Variants in CLEC4E observed in about 807,000 individuals in gnomAD.
The protein encoded by CLEC4E is C-type lectin domain family 4 member E.
Under a neutral mutation model 24.7 loss-of-function variants are expected in CLEC4E, and 21 were observed. The observed-to-expected ratio is 0.85, with a 90% CI of 0.60 to 1.22. CLEC4E has a LOEUF of 1.22. CLEC4E is among the 50% of genes most tolerant of loss of function. CLEC4E has a pLI of 0.00. For missense variants in CLEC4E, 249 were observed against 254.1 expected, an observed-to-expected ratio of 0.98 and a Z score of 0.14; for synonymous variants, 94 against 85.7, an observed-to-expected ratio of 1.10 and a Z score of -0.54.
Position 8,540,197 on chromosome 12 carries a change from G to T in CLEC4E, c.38-250C>A, listed in dbSNP as rs907842003. The stretch of plus-strand genomic sequence containing the variant: ...CAACAAGTTCCCAGGGGCTACTGCT[G>T]CTGCTGGTCTGAGGACCACACGTTT... On this transcript the variant is annotated intron_variant, in intron 1 of 5. Transcript: ENST00000299663. Among the ~76,000 whole-genome samples, 3 of 152,180 alleles carry T rather than the reference G, an allele frequency of 2.0e-5. No individual in the cohort carries two copies. The South Asian group carries it at 6.2e-4, about 32-fold the overall frequency.
In CLEC4E at chr12:8,534,245, A is replaced by C. The variant is rs775290965; in HGVS notation, c.*393T>G. On this transcript the variant is annotated 3_prime_UTR_variant, in exon 6 of 6. Transcript: ENST00000299663. Reference sequence around the variant, plus strand: ...ACCAAGAAGAGAAGACAGACTTGTCAGAAGCTAGAAAGAAGAGGACCTGCT... The same window carrying C: ...ACCAAGAAGAGAAGACAGACTTGTCCGAAGCTAGAAAGAAGAGGACCTGCT... 71 of 160,280 alleles carry C rather than the reference A, an allele frequency of 4.4e-4. 1 individual carries two copies. The highest frequency in any genetic ancestry group is 8.0e-4 in the Non-Finnish European group (59 of 73,620). 9.9% of individuals were successfully genotyped at this position (160,280 alleles called of 1,614,324 possible).
chr12:8,534,860 G>C, intron 5 of CLEC4E, 51 bp from the exon 6 acceptor site: 2 of 1,506,202 alleles, frequency 1.3e-6, no homozygotes, highest in Non-Finnish European at 1.8e-6. Flanking sequence ...AAGAGGTAAA[G>C]TAACCTAATA....
At chr12:8,536,277 C>A in intron 4 of CLEC4E, 72 bp from the exon 5 acceptor site, 1 of 882,334 alleles carries the variant, frequency 1.1e-6, no homozygotes, top group East Asian at 2.8e-5. Context: ...AATTATTATT[C>A]AAAGAGGTAA....
chr12:8,537,435 T>C (rs1453544919), intron 3 of CLEC4E, among the ~76,000 whole-genome samples, 169 bp from the exon 4 acceptor site: 1 of 152,202 alleles, frequency 6.6e-6, no homozygotes, highest in Non-Finnish European at 1.5e-5. Flanking sequence ...TCAAGAAACA[T>C]AAACAGAATG....
At position 8,540,815 on chromosome 12, in the gene CLEC4E, T is replaced by A. The variant is rs778767173; in HGVS notation, c.-18A>T. 6.5e-7 allele frequency: 1 copy of A among 1,537,832 alleles called. No individual in the cohort carries two copies. The highest frequency in any genetic ancestry group is 8.9e-7 in the Non-Finnish European group (1 of 1,126,566). ...GAATTCATTTTTTCTCTCTCTTTGGTTTTTTGTTTCTCTCTCTCTCTTTTT... is the reference window on the plus strand; with the variant it reads ...GAATTCATTTTTTCTCTCTCTTTGGATTTTTGTTTCTCTCTCTCTCTTTTT... On this transcript the variant is annotated 5_prime_UTR_variant, in exon 1 of 6. Coordinates refer to ENST00000299663, the MANE Select transcript of CLEC4E (RefSeq NM_014358.4).
intron 1 of CLEC4E, among the ~76,000 whole-genome samples, chr12:8,540,227 C>T (rs1299160444): frequency 1.3e-5 from 2 of 152,148 alleles, no homozygotes; most frequent in Non-Finnish European, 2.9e-5. Flanking sequence ...ACGTTTAGCA[C>T]CCCTGGAGTA....
At chr12:8,540,323 CTTCTTTCTTT>C (rs1565496921) in intron 1 of CLEC4E, among the ~76,000 whole-genome samples, 1 of 151,932 alleles carries the variant, frequency 6.6e-6, no homozygotes, top group Admixed American at 6.6e-5. Context: ...TAAGGCCCCC[CTTCTTTCTTT>C]TTCTTTCTTT....
chr12:8,540,024 T>C, intron 1 of CLEC4E, 77 bp from the exon 2 acceptor site: 1 of 919,328 alleles, frequency 1.1e-6, no homozygotes, highest in Non-Finnish European at 1.8e-6. Context: ...TTCTTATTCA[T>C]CCTTACTTAT....
intron 3 of CLEC4E, among the ~76,000 whole-genome samples, chr12:8,538,700 A>C (rs1940651405): frequency 6.6e-6 from 1 of 152,196 alleles, no homozygotes; most frequent in Non-Finnish European, 1.5e-5. Flanking sequence ...CCCTACAGTT[A>C]GATTTCTTAG....
At chr12:8,540,534 C>G (rs1234501493) in intron 1 of CLEC4E, among the ~76,000 whole-genome samples, 3 of 152,082 alleles carry the variant, frequency 2.0e-5, no homozygotes, top group African/African-American at 7.2e-5. Context: ...AAAAGGGACA[C>G]AATGTATTGC....
At chr12:8,538,673 A>G (rs113634703) in intron 3 of CLEC4E, among the ~76,000 whole-genome samples, 229 of 152,230 alleles carry the variant, frequency 1.5e-3, no homozygotes, top group African/African-American at 5.3e-3. Flanking sequence ...GAGACCCACC[A>G]ACCCTGTGGG....
chr12:8,533,388 A>G lies in CLEC4E; in HGVS notation c.*1250T>C, dbSNP rs993025090. The G allele has an allele frequency of 2.0e-5, 3 of 152,252 alleles. No individual in the cohort carries two copies. The highest frequency in any genetic ancestry group is 4.4e-5 in the Non-Finnish European group (3 of 68,050). 9.4% of individuals were successfully genotyped at this position (152,252 alleles called of 1,614,324 possible). A position where few individuals can be genotyped will look rare whatever the true frequency, so the allele number is the denominator to read the frequency against. On this transcript the variant is annotated 3_prime_UTR_variant, in exon 6 of 6. Coordinates refer to ENST00000299663, the MANE Select transcript of CLEC4E (RefSeq NM_014358.4). ...AAATATAAATCTTTCTACCATAAAG[A>G]CACATGCACACGAATGTTCATTGCA...
At chr12:8,539,136 T>A (rs1940659837) in intron 3 of CLEC4E, 81 bp downstream of exon 3, 1 of 961,050 alleles carries the variant, frequency 1.0e-6, no homozygotes, top group African/African-American at 1.7e-5. Flanking sequence ...TCCAGCTATA[T>A]CTCACCTGTC....
intron 3 of CLEC4E, chr12:8,538,980 T>G (rs920548254): frequency 2.2e-6 from 1 of 451,634 alleles, no homozygotes. Context: ...AATAATACCT[T>G]CCACTTCCAG....
At chr12:8,540,380 T>C (rs952346897) in intron 1 of CLEC4E, among the ~76,000 whole-genome samples, 1 of 151,924 alleles carries the variant, frequency 6.6e-6, no homozygotes, top group African/African-American at 2.4e-5. Context: ...GTCCTTCTCC[T>C]GATCTTTTTT....
intron 4 of CLEC4E, 67 bp downstream of exon 4, chr12:8,537,048 C>T: frequency 6.8e-7 from 1 of 1,473,896 alleles, no homozygotes; most frequent in Non-Finnish European, 9.3e-7. Context: ...AAGCACTGTG[C>T]ATATGTATGA....
Position 8,540,835 on chromosome 12 carries a change from C to G in CLEC4E, c.-38G>C, listed in dbSNP as rs986590120. 5.3e-6 allele frequency: 7 copies of G among 1,323,384 alleles called. No homozygotes were observed. In the African/African-American group the frequency reaches 7.2e-5, roughly 14 times the overall value. 82.0% of individuals were successfully genotyped at this position (1,323,384 alleles called of 1,614,324 possible). ...TTTGGTTTTTTGTTTCTCTCTCTCT[C>G]TTTTTCTCTCCCTCCCTCTCTTTCT... is the stretch of plus-strand genomic sequence containing the variant. On this transcript the variant is annotated 5_prime_UTR_variant, in exon 1 of 6. Transcript: ENST00000299663.
In CLEC4E at chr12:8,537,732, C is replaced by T. The variant is rs769727407; in HGVS notation, c.221-466G>A. ...GCGCTGAGGCAAGAGACAGAGGACA[C>T]GAGCTGTTCCAGTATAATAAAATAT... On this transcript the variant is annotated intron_variant, in intron 3 of 5. Transcript: ENST00000299663. Among the ~76,000 whole-genome samples, 476 of 152,210 alleles carry T rather than the reference C, an allele frequency of 3.1e-3. 2 individuals carry two copies. The highest frequency in any genetic ancestry group is 0.011 in the African/African-American group (464 of 41,514).
At chr12:8,538,706 C>T (rs1449544563) in intron 3 of CLEC4E, among the ~76,000 whole-genome samples, 1 of 152,134 alleles carries the variant, frequency 6.6e-6, no homozygotes, top group East Asian at 1.9e-4. Flanking sequence ...AGTTAGATTT[C>T]TTAGAATTAC....
Sources: gnomAD v4.1 joint callset for allele counts (sites outside exome capture counted in the v4.1 genomes callset) on GRCh38, gnomAD v4.1.1 for gene constraint, MANE v1.5 for transcripts, NCBI Gene and HGNC (gene_info 2026-07-23, HGNC 2026-07-21) for gene names.